The following BDP1 variants were observed in gnomAD, a reference collection of about 807,000 sequenced individuals.
BDP1 encodes transcription factor TFIIIB component B'' homolog.
BDP1 carries 169 observed loss-of-function variants against 266.6 expected under a neutral mutation model. The observed-to-expected ratio is 0.63, with a 90% CI of 0.56 to 0.72. The LOEUF is 0.72. BDP1 is among the 30% of genes least tolerant of loss of function. The pLI is 0.00. For missense variants in BDP1, 3,015 were observed against 3,053.8 expected, an observed-to-expected ratio of 0.99 and a Z score of 0.30; for synonymous variants, 1,090 against 1,022.4, an observed-to-expected ratio of 1.07 and a Z score of -1.26.
At chr5:71,570,227 G>T (rs950140309), downstream of BDP1, among the ~76,000 whole-genome samples, 2 of 152,178 alleles carry the variant, frequency 1.3e-5, no homozygotes, top group Non-Finnish European at 2.9e-5. Context: ...TATAATTTCA[G>T]AGTCACTATC....
chr5:71,522,240 C>G (rs900456613), intron 22 of BDP1, 49 bp from the exon 23 acceptor site: 8 of 1,491,352 alleles, frequency 5.4e-6, no homozygotes, highest in Non-Finnish European at 6.5e-6. Flanking sequence ...GTTATATCAA[C>G]AAGAAATTCT....
At chr5:71,456,347 A>T (rs1761188122) in intron 1 of BDP1, among the ~76,000 whole-genome samples, 1 of 152,222 alleles carries the variant, frequency 6.6e-6, no homozygotes, top group Admixed American at 6.5e-5. Flanking sequence ...GAATCGGGGT[A>T]TGGCAGTCCT....
chr5:71,494,388 A>G (rs1258029311), intron 11 of BDP1: 1 of 152,286 alleles, frequency 6.6e-6, no homozygotes, highest in Non-Finnish European at 1.5e-5. Context: ...CAGTGGTGCA[A>G]TCTCAGCTCA....
At chr5:71,522,014 A>G (rs958396426) in intron 22 of BDP1, among the ~76,000 whole-genome samples, 4 of 152,112 alleles carry the variant, frequency 2.6e-5, no homozygotes, top group Non-Finnish European at 2.9e-5. Flanking sequence ...GCATGAAATC[A>G]TATAATAGAA....
Position 71,562,195 on chromosome 5 carries a change from CAAAAAAAAAAAAAA to C in BDP1, c.7497-64_7497-51del, listed in dbSNP as rs564127239. 110 of 459,444 alleles carry C rather than the reference CAAAAAAAAAAAAAA, an allele frequency of 2.4e-4. 1 individual carries two copies. Among genetic ancestry groups the C allele is most frequent in the African/African-American group, 2.1e-3 (46 of 22,016 alleles). The allele number at this position is 459,444 out of a possible 1,614,324, so 28.5% of individuals were successfully genotyped here. Reference sequence around the variant, plus strand: ...CCTGGGTGAGAGTGAGACTGCGTCTCAAAAAAAAAAAAAAAAAAAAAAAAAAAAGAATGTGTCTT... The same window carrying C: ...CCTGGGTGAGAGTGAGACTGCGTCTCAAAAAAAAAAAAAAGAATGTGTCTT... On this transcript the variant is annotated intron_variant, in intron 37 of 38. Coordinates refer to ENST00000358731, the MANE Select transcript of BDP1 (RefSeq NM_018429.3).
intron 3 of BDP1, among the ~76,000 whole-genome samples, chr5:71,463,499 A>G (rs904985446): frequency 6.6e-6 from 1 of 151,952 alleles, no homozygotes; most frequent in Admixed American, 6.6e-5. Flanking sequence ...TGGGATTGGG[A>G]GCCTCCTTTC....
intron 25 of BDP1, among the ~76,000 whole-genome samples, chr5:71,527,985 A>T (rs1039997250): frequency 6.6e-6 from 1 of 151,690 alleles, no homozygotes; most frequent in African/African-American, 2.4e-5. Context: ...CACCCAGCTA[A>T]TTTTTTTGTA....
At chr5:71,568,325 C>T (rs1172550599), downstream of BDP1, among the ~76,000 whole-genome samples, 1 of 152,156 alleles carries the variant, frequency 6.6e-6, no homozygotes, top group Admixed American at 6.5e-5. Flanking sequence ...CACTAAAAAT[C>T]GGCAGTCTTA....
chr5:71,470,325 G>A, intron 6 of BDP1, 70 bp from the exon 7 acceptor site: 3 of 1,166,076 alleles, frequency 2.6e-6, no homozygotes, highest in Non-Finnish European at 3.7e-6. Flanking sequence ...GTCAAATTCT[G>A]TAAGATTTCT....
chr5:71,489,346 C>G, intron 9 of BDP1, 58 bp from the exon 10 acceptor site: 3 of 1,355,738 alleles, frequency 2.2e-6, no homozygotes, highest in Non-Finnish European at 3.0e-6. Flanking sequence ...TCTTTCCCAC[C>G]TTTACAAATT....
intron 1 of BDP1, among the ~76,000 whole-genome samples, chr5:71,457,135 T>C (rs1185909852): frequency 3.3e-5 from 5 of 152,126 alleles, no homozygotes; most frequent in Non-Finnish European, 7.4e-5. Flanking sequence ...ATTTCGTTAA[T>C]TATGTGTGAG....
At chr5:71,487,585 G>GT (rs1283044495) in intron 9 of BDP1, among the ~76,000 whole-genome samples, 2 of 152,040 alleles carry the variant, frequency 1.3e-5, no homozygotes, top group South Asian at 2.1e-4. Flanking sequence ...CCCAGAGATC[G>GT]TAAGACACTT....
chr5:71,481,498 A>G lies in BDP1; in HGVS notation c.1015-2344A>G, dbSNP rs912422853. Among the ~76,000 whole-genome samples, 7 of 151,630 alleles carry G rather than the reference A, an allele frequency of 4.6e-5. No homozygotes were observed. The East Asian group carries it at 1.4e-3, about 29-fold the overall frequency. On this transcript the variant is annotated intron_variant, in intron 7 of 38. Transcript: ENST00000358731. Reference sequence around the variant, plus strand: ...CTTGAGCCTGGGAGATCAAGGCTGCAGTGAGCTGTGATCACAGCACTGCAT... The same window carrying G: ...CTTGAGCCTGGGAGATCAAGGCTGCGGTGAGCTGTGATCACAGCACTGCAT...
In BDP1 at chr5:71,472,161, T is replaced by C. The variant is rs1400211944; in HGVS notation, c.1014+1672T>C. On this transcript the variant is annotated intron_variant, in intron 7 of 38. Transcript: ENST00000358731. ...GGCTCTAGCAGGTCGTTGGGTAAAG[T>C]GTAGAAAAGTGAGAGTAGGCTGGGC... Among the ~76,000 whole-genome samples the C allele has an allele frequency of 3.3e-5, 5 of 152,162 alleles. No individual in the cohort carries two copies. The South Asian group carries it at 1.0e-3, about 31-fold the overall frequency.
chr5:71,483,070 A>G (rs1468544077), intron 7 of BDP1, among the ~76,000 whole-genome samples: 1 of 152,190 alleles, frequency 6.6e-6, no homozygotes, highest in African/African-American at 2.4e-5. Flanking sequence ...GGCATGAAGT[A>G]CTTCCTTTGT....
At chr5:71,495,593 T>A (rs1763839496) in intron 12 of BDP1, among the ~76,000 whole-genome samples, 185 bp downstream of exon 12, 1 of 152,186 alleles carries the variant, frequency 6.6e-6, no homozygotes, top group South Asian at 2.1e-4. Context: ...TGTTTTACTT[T>A]ATATTTCTTT....
In BDP1 at chr5:71,523,456, G is replaced by A. The variant is rs969745928; in HGVS notation, c.5388-483G>A. ...ATCCTCCCGAGTAGCTGGGATTACAGGCGTGCACCACCGTGCCCAGCTAAT... is the reference window on the plus strand; with the variant it reads ...ATCCTCCCGAGTAGCTGGGATTACAAGCGTGCACCACCGTGCCCAGCTAAT... On this transcript the variant is annotated intron_variant, in intron 24 of 38. Transcript: ENST00000358731. Among the ~76,000 whole-genome samples the A allele has an allele frequency of 3.9e-5, 6 of 152,034 alleles. No homozygotes were observed. The East Asian group carries it at 7.7e-4, about 20-fold the overall frequency.
intron 30 of BDP1, among the ~76,000 whole-genome samples, chr5:71,542,823 T>C (rs941597344): frequency 2.6e-5 from 4 of 152,206 alleles, no homozygotes; most frequent in African/African-American, 9.7e-5. Flanking sequence ...TGTATTTTAT[T>C]TGTGTTATAT....
chr5:71,523,894 C>T (rs1765633947), intron 24 of BDP1, 45 bp from the exon 25 acceptor site: 1 of 1,502,786 alleles, frequency 6.7e-7, no homozygotes, highest in Non-Finnish European at 8.9e-7. Flanking sequence ...TTAAAATTAT[C>T]CTTGCATGCA....
Sources: gnomAD v4.1 joint callset for allele counts (sites outside exome capture counted in the v4.1 genomes callset) on GRCh38, gnomAD v4.1.1 for gene constraint, MANE v1.5 for transcripts, NCBI Gene and HGNC (gene_info 2026-07-23, HGNC 2026-07-21) for gene names.